The following CALHM3 variants were observed in gnomAD, a reference collection of about 807,000 sequenced individuals.
CALHM3 encodes the protein calcium homeostasis modulator 3, also known as calcium homeostasis modulator protein 3.
A neutral mutation model predicts 13.6 loss-of-function variants in CALHM3; 9 were observed. The observed-to-expected ratio is 0.66, with a 90% CI of 0.40 to 1.15. CALHM3 has a LOEUF of 1.15. CALHM3 is among the 50% of genes most tolerant of loss of function. The pLI is 0.01. For synonymous variants in CALHM3, 231 were observed against 213.2 expected (o/e 1.08, Z -0.73); for missense variants, 497 against 463.4 (o/e 1.07, Z -0.67).
rs1471567791 is a variant in CALHM3, at chr10:103,473,420, G to C, written c.828C>G (p.Pro276=). The change falls in exon 3 of 3, where the codon CCC becomes CCG. Residue 276 remains proline, a synonymous_variant. Transcript: ENST00000369783. ...RRLELPAVPE[P]PEGLDSGSGK... ...CACTTCCACTATCCAGGCCTTCTGG[G>C]GGCTCAGGCACTGCGGGGAGCTCGA... is the stretch of plus-strand genomic sequence containing the variant. 1 of 1,519,494 alleles carries C rather than the reference G, an allele frequency of 6.6e-7. No individual in the cohort carries two copies. Among genetic ancestry groups the C allele is most frequent in the Non-Finnish European group, 8.9e-7 (1 of 1,129,234 alleles). 94.1% of individuals were successfully genotyped at this position (1,519,494 alleles called of 1,614,324 possible).
rs778497712 is a variant in CALHM3 at position 103,478,785 on chromosome 10, C to T, written c.248G>A (p.Arg83Gln). The T allele has an allele frequency of 2.6e-5, 41 of 1,547,960 alleles. No individual in the cohort carries two copies. In the East Asian group the frequency reaches 2.7e-4, roughly 10 times the overall value. Residue 83 changes from arginine (R) to glutamine (Q), a missense_variant, in exon 1 of 3, where the codon CGG becomes CAG. Arg to Gln is a conservative substitution (Grantham distance 43). Transcript: ENST00000369783. Reference sequence around the variant, plus strand: ...GTCCTTCCTCCGGTGCCCTGCGGGCCGGCGCCACTCCTCGACCATCACCAC... The same window carrying T: ...GTCCTTCCTCCGGTGCCCTGCGGGCTGGCGCCACTCCTCGACCATCACCAC... ...QSVVMVEEWR[R>Q]PAGHRRKDPG...
intron 1 of CALHM3, among the ~76,000 whole-genome samples, chr10:103,477,166 C>A (rs1264835526): frequency 1.3e-5 from 2 of 152,218 alleles, no homozygotes; most frequent in Non-Finnish European, 2.9e-5. Context: ...TGCCCAGTAA[C>A]CCTCCAAAAG....
rs763005961 is a variant in CALHM3 at position 103,476,520 on chromosome 10, G to A, written c.317C>T (p.Ala106Val). 13 of 1,551,440 alleles carry A rather than the reference G, an allele frequency of 8.4e-6. No individual in the cohort carries two copies. The highest frequency in any genetic ancestry group is 2.4e-5 in the East Asian group (1 of 40,928). Residue 106 changes from alanine to valine, a missense_variant, in exon 2 of 3, where the codon GCG (alanine) becomes GTG (valine). Physicochemically the swap from Ala to Val is moderately conservative, Grantham distance 64 (BLOSUM62 0). Transcript: ENST00000369783. ...RYMCSSVLQR[A>V]LAAPLVWILL... Reference sequence around the variant, plus strand: ...GATCCAGACCAGGGGGGCGGCCAGCGCCCTCTGCAGCACAGAGGAGCACAT... The same window carrying A: ...GATCCAGACCAGGGGGGCGGCCAGCACCCTCTGCAGCACAGAGGAGCACAT...
At position 103,473,349 on chromosome 10, in the gene CALHM3, C is replaced by T; in HGVS notation, c.899G>A (p.Arg300His). The change falls in exon 3 of 3, where the codon CGC becomes CAC. Residue 300 changes from arginine (R) to histidine (H), a missense_variant. Transcript: ENST00000369783. ...GCTGGAGTACCACGTGCTTAGGAGGCGGTCCACCTGCTCCCGGCTGGAGAT... is the reference window on the plus strand; with the variant it reads ...GCTGGAGTACCACGTGCTTAGGAGGTGGTCCACCTGCTCCCGGCTGGAGAT... ...RAISSREQVD[R>H]LLSTWYSSKP... 1 of 1,505,482 alleles carries T rather than the reference C, an allele frequency of 6.6e-7. No individual in the cohort carries two copies. Among genetic ancestry groups the T allele is most frequent in the Non-Finnish European group, 8.9e-7 (1 of 1,121,594 alleles). The allele number at this position is 1,505,482 out of a possible 1,614,324, so 93.3% of individuals were successfully genotyped here. A position where few individuals can be genotyped will look rare whatever the true frequency, so the allele number is the denominator to read the frequency against.
rs926047291 is a variant in CALHM3, at chr10:103,476,158, C to T, written c.543+136G>A. 9 of 1,217,358 alleles carry T rather than the reference C, an allele frequency of 7.4e-6. No individual in the cohort carries two copies. The African/African-American group carries it at 1.0e-4, about 14-fold the overall frequency. The allele number at this position is 1,217,358 out of a possible 1,614,324, so 75.4% of individuals were successfully genotyped here. Reference sequence around the variant, plus strand: ...GGCGCAGGCAAGGCAGAGCAGTGGTCTCCAGCACTTCCCTGCCTCCTGGGA... The same window carrying T: ...GGCGCAGGCAAGGCAGAGCAGTGGTTTCCAGCACTTCCCTGCCTCCTGGGA... On this transcript the variant is annotated intron_variant, in intron 2 of 2. Coordinates refer to ENST00000369783, the MANE Select transcript of CALHM3 (RefSeq NM_001129742.2).
chr10:103,473,400 C>G lies in CALHM3; in HGVS notation c.848G>C (p.Gly283Ala). ...TGCGCGCAGGTGGGCCTTCCCACTT[C>G]CACTATCCAGGCCTTCTGGGGGCTC... is the stretch of plus-strand genomic sequence containing the variant. ...VPEPPEGLDS[G>A]SGKAHLRAIS... is the part of the protein sequence containing the mutation. The change falls in exon 3 of 3, where the codon GGA becomes GCA. Residue 283 changes from glycine (G) to alanine (A), a missense_variant. Transcript: ENST00000369783. 1 of 1,485,520 alleles carries G rather than the reference C, an allele frequency of 6.7e-7. No individual in the cohort carries two copies. The highest frequency in any genetic ancestry group is 8.9e-7 in the Non-Finnish European group (1 of 1,120,014). The allele number at this position is 1,485,520 out of a possible 1,614,324, so 92.0% of individuals were successfully genotyped here.
chr10:103,473,664 G>T lies in CALHM3; in HGVS notation c.584C>A (p.Ala195Asp), dbSNP rs758788970. Reference sequence around the variant, plus strand: ...GGGCCTCAGGCAGCGGGCCAGGAAGGCCGCGATGATCAGCAGCAGGGTGAC... The same window carrying T: ...GGGCCTCAGGCAGCGGGCCAGGAAGTCCGCGATGATCAGCAGCAGGGTGAC... ...WSVTLLLIIA[A>D]FLARCLRPCF... Residue 195 changes from alanine to aspartate, a missense_variant, in exon 3 of 3, where the codon GCC becomes GAC. Physicochemically the swap from Ala to Asp is moderately radical, Grantham distance 126. Transcript: ENST00000369783. 1.3e-6 allele frequency: 2 copies of T among 1,550,552 alleles called. No individual in the cohort carries two copies. The highest frequency in any genetic ancestry group is 2.4e-5 in the South Asian group (2 of 84,064).
In CALHM3 at chr10:103,473,262, GCGCGGTGGCTAAGGCCACC is replaced by G; in HGVS notation, c.967_985del (p.Gly323ProfsTer34). ...CCTCGTGCCCAGTGCCAAGGTAGGG[GCGCGGTGGCTAAGGCCACC>G]CCCGCAGAGCCCGGGGGATGCAGCC... On this transcript the variant is annotated frameshift_variant, in exon 3 of 3. Coordinates refer to ENST00000369783, the MANE Select transcript of CALHM3 (RefSeq NM_001129742.2). LOFTEE classifies it low-confidence loss of function (END_TRUNC). 1 of 1,450,046 alleles carries G rather than the reference GCGCGGTGGCTAAGGCCACC, an allele frequency of 6.9e-7. No individual in the cohort carries two copies. Among genetic ancestry groups the G allele is most frequent in the African/African-American group, 1.4e-5 (1 of 69,576 alleles). 89.8% of individuals were successfully genotyped at this position (1,450,046 alleles called of 1,614,324 possible). A position where few individuals can be genotyped will look rare whatever the true frequency, so the allele number is the denominator to read the frequency against.
In CALHM3 at chr10:103,473,532, G is replaced by A. The variant is rs901594825; in HGVS notation, c.716C>T (p.Ala239Val). 5.8e-6 allele frequency: 9 copies of A among 1,551,128 alleles called. No individual in the cohort carries two copies. The highest frequency in any genetic ancestry group is 7.8e-6 in the Non-Finnish European group (9 of 1,147,008). ...ETCCEHARDF[A>V]HRCVLHFFAS... ...AAAGAAGTGCAGCACGCAGCGGTGC[G>A]CGAAGTCCCGCGCATGCTCACAGCA... The change falls in exon 3 of 3, where the codon GCG (alanine) becomes GTG (valine). Residue 239 changes from alanine (A) to valine (V), a missense_variant. By Grantham distance (64) the Ala-to-Val change is moderately conservative. Transcript: ENST00000369783.
At chr10:103,477,891 C>G (rs574955550) in intron 1 of CALHM3, among the ~76,000 whole-genome samples, 1 of 151,648 alleles carries the variant, frequency 6.6e-6, no homozygotes, top group East Asian at 1.9e-4. Flanking sequence ...CAATCTCTGG[C>G]TCCTTATTTT....
intron 1 of CALHM3, among the ~76,000 whole-genome samples, chr10:103,477,351 G>A (rs1314357463): frequency 1.3e-5 from 2 of 152,174 alleles, no homozygotes; most frequent in African/African-American, 2.4e-5. Flanking sequence ...AAAAGGCCAA[G>A]GACACACCCA....
chr10:103,478,873 C>T lies in CALHM3; in HGVS notation c.160G>A (p.Gly54Ser), dbSNP rs764116048. 4 of 1,551,730 alleles carry T rather than the reference C, an allele frequency of 2.6e-6. No homozygotes were observed. The highest frequency in any genetic ancestry group is 1.2e-5 in the South Asian group (1 of 84,062). ...LVHYNALYGL[G>S]LLLTPPLALF... Reference sequence around the variant, plus strand: ...GCGAGCGGGGGCGTCAGCAGCAGGCCCAGGCCGTAGAGTGCATTGTAGTGC... The same window carrying T: ...GCGAGCGGGGGCGTCAGCAGCAGGCTCAGGCCGTAGAGTGCATTGTAGTGC... Residue 54 changes from glycine to serine, a missense_variant, in exon 1 of 3, where the codon GGC becomes AGC. Coordinates refer to ENST00000369783, the MANE Select transcript of CALHM3 (RefSeq NM_001129742.2).
At chr10:103,477,080 T>C (rs2033398266) in intron 1 of CALHM3, among the ~76,000 whole-genome samples, 1 of 152,210 alleles carries the variant, frequency 6.6e-6, no homozygotes, top group Non-Finnish European at 1.5e-5. Context: ...CCTGAAGGAT[T>C]AAGCCCCAGT....
At chr10:103,476,163 G>T in intron 2 of CALHM3, 131 bp downstream of exon 2, 1 of 1,267,560 alleles carries the variant, frequency 7.9e-7, no homozygotes. Flanking sequence ...GTGGTCTCCA[G>T]CACTTCCCTG....
In CALHM3 at chr10:103,476,443, C is replaced by T; in HGVS notation, c.394G>A (p.Val132Met). The change falls in exon 2 of 3, where the codon GTG becomes ATG. Residue 132 changes from valine to methionine, a missense_variant. Coordinates refer to ENST00000369783, the MANE Select transcript of CALHM3 (RefSeq NM_001129742.2). ...KCFVCAFSSSVDPEKFLDFAN... is the reference protein window; with the variant it reads ...KCFVCAFSSSMDPEKFLDFAN... Reference sequence around the variant, plus strand: ...AAGTCCAGAAACTTCTCAGGGTCCACAGAGCTGCTGAAGGCACACACGAAG... The same window carrying T: ...AAGTCCAGAAACTTCTCAGGGTCCATAGAGCTGCTGAAGGCACACACGAAG... 6.4e-7 allele frequency: 1 copy of T among 1,551,726 alleles called. No homozygotes were observed. The highest frequency in any genetic ancestry group is 8.7e-7 in the Non-Finnish European group (1 of 1,147,010).
intron 2 of CALHM3, among the ~76,000 whole-genome samples, chr10:103,475,414 C>A (rs1592163572): frequency 6.6e-6 from 1 of 152,158 alleles, no homozygotes; most frequent in South Asian, 2.1e-4. Context: ...GGATTCAAAC[C>A]CCGGTCTCAC....
In CALHM3 at chr10:103,473,544, G is replaced by T. The variant is rs761070737; in HGVS notation, c.704C>A (p.Ala235Glu). ...CACGCAGCGGTGCGCGAAGTCCCGC[G>T]CATGCTCACAGCAGGTCTCGTCGAA... ...KLFDETCCEH[A>E]RDFAHRCVLH... is the part of the protein sequence containing the mutation. The change falls in exon 3 of 3, where the codon GCG (alanine) becomes GAG (glutamate). Residue 235 changes from alanine to glutamate, a missense_variant. Physicochemically the swap from Ala to Glu is moderately radical, Grantham distance 107. Transcript: ENST00000369783. 6 of 1,551,192 alleles carry T rather than the reference G, an allele frequency of 3.9e-6. No homozygotes were observed. Among genetic ancestry groups the T allele is most frequent in the Non-Finnish European group, 4.4e-6 (5 of 1,147,016 alleles).
Position 103,476,552 on chromosome 10 carries a change from G to A in CALHM3, c.288-3C>T. The A allele has an allele frequency of 1.3e-6, 2 of 1,551,010 alleles. No individual in the cohort carries two copies. Among genetic ancestry groups the A allele is most frequent in the Non-Finnish European group, 1.7e-6 (2 of 1,146,646 alleles). On this transcript the variant is annotated splice_region_variant and splice_polypyrimidine_tract_variant and intron_variant, in intron 1 of 2. Transcript: ENST00000369783. ...GCAGCACAGAGGAGCACATGTACCT[G>A]GCAGCAGAGGAAGGAGGGGGGTCAA...
Position 103,476,378 on chromosome 10 carries a change from G to C in CALHM3, c.459C>G (p.Ala153=). 1 of 1,551,756 alleles carries C rather than the reference G, an allele frequency of 6.4e-7. No individual in the cohort carries two copies. Among genetic ancestry groups the C allele is most frequent in the Non-Finnish European group, 8.7e-7 (1 of 1,147,004 alleles). Residue 153 remains alanine (A), a synonymous_variant, in exon 2 of 3, where the codon GCC becomes GCG. Coordinates refer to ENST00000369783, the MANE Select transcript of CALHM3 (RefSeq NM_001129742.2). ...GCTCATCCTCCTTGCAGGGAACCTT[G>C]GCCAGGAAGAGCTGTACCTGGCTGG... ...MTPSQVQLFL[A]KVPCKEDELV...
Sources: allele counts gnomAD v4.1 joint callset (sites outside exome capture counted in the v4.1 genomes callset), GRCh38; gene constraint gnomAD v4.1.1; transcripts MANE v1.5; gene names NCBI Gene and HGNC (gene_info 2026-07-23, HGNC 2026-07-21).